Variants in MSTO1 observed in about 807,000 individuals in gnomAD.
MSTO1 encodes protein misato homolog 1.
Under a neutral mutation model 55.7 loss-of-function variants are expected in MSTO1, and 24 were observed. That is an observed-to-expected ratio of 0.43 (90% CI 0.31 to 0.61). MSTO1 has a LOEUF of 0.61. MSTO1 is among the 20% of genes least tolerant of loss of function. The pLI is 0.09. For missense variants in MSTO1, 363 were observed against 625.7 expected, an observed-to-expected ratio of 0.58 and a Z score of 4.48; for synonymous variants, 162 against 252.8, an observed-to-expected ratio of 0.64 and a Z score of 3.41.
At chr1:155,573,840 CAAAA>C in the MSTO1 span, among the ~76,000 whole-genome samples, 4 of 88,868 alleles carry the variant, frequency 4.5e-5, no homozygotes, top group Admixed American at 1.2e-4. Flanking sequence ...CTCCATCTCA[CAAAA>C]AAAAAAAAAA....
chr1:155,609,243 A>ATATATATATATATATATT (rs59756178), upstream of MSTO1, among the ~76,000 whole-genome samples: 4 of 54,576 alleles, frequency 7.3e-5, no homozygotes, highest in East Asian at 1.9e-3. Flanking sequence ...ATATATATAT[A>ATATATATATATATATATT]TTTTTTTTTT....
upstream of MSTO1, among the ~76,000 whole-genome samples, chr1:155,609,239 ATATATT>A (rs1168601951): frequency 4.0e-4 from 11 of 27,252 alleles, no homozygotes; most frequent in Middle Eastern, 0.028. Flanking sequence ...ATATATATAT[ATATATT>A]TTTTTTTTTT....
chr1:155,611,276 C>A lies in MSTO1; in HGVS notation c.351C>A (p.Asp117Glu). The change falls in exon 4 of 14, where the codon GAC becomes GAA. Residue 117 changes from aspartate (D) to glutamate (E), a missense_variant. Transcript: ENST00000245564. ...ELYPKNPYLQ[D>E]FLSAEGVLSS... ...ATCCCAAGAACCCTTATCTCCAAGACTTTCTGAGTGCAGAGGTGAGGGCCT... is the reference window on the plus strand; with the variant it reads ...ATCCCAAGAACCCTTATCTCCAAGAATTTCTGAGTGCAGAGGTGAGGGCCT... The A allele has an allele frequency of 4.3e-6, 7 of 1,613,180 alleles. No homozygotes were observed. Among genetic ancestry groups the A allele is most frequent in the Non-Finnish European group, 5.9e-6 (7 of 1,179,672 alleles).
chr1:155,596,243 C>G, the MSTO1 span, among the ~76,000 whole-genome samples: 1 of 152,170 alleles, frequency 6.6e-6, no homozygotes, highest in East Asian at 1.9e-4. Flanking sequence ...TGTCTTTCAG[C>G]TTTCTCTGTA....
the MSTO1 span, among the ~76,000 whole-genome samples, chr1:155,572,941 C>T: frequency 1.1e-4 from 17 of 151,940 alleles, no homozygotes; most frequent in African/African-American, 1.7e-4. Context: ...TGAGCCACTG[C>T]GCCAGTCAAA....
At chr1:155,593,862 G>A in the MSTO1 span, among the ~76,000 whole-genome samples, 3 of 151,976 alleles carry the variant, frequency 2.0e-5, no homozygotes, top group Middle Eastern at 3.4e-3. Context: ...CCAGCTACTC[G>A]GGAGGCTGAG....
the MSTO1 span, among the ~76,000 whole-genome samples, chr1:155,599,161 A>G: frequency 2.6e-5 from 4 of 152,050 alleles, no homozygotes; most frequent in Non-Finnish European, 4.4e-5. Context: ...CTGGGCGACA[A>G]AACAAGACGC....
the MSTO1 span, among the ~76,000 whole-genome samples, chr1:155,578,344 T>TTC: frequency 1.0e-5 from 1 of 95,678 alleles, no homozygotes; most frequent in Admixed American, 1.2e-4. Flanking sequence ...TTCTTTTTTT[T>TTC]TTTTTTTTTT....
chr1:155,583,812 T>C, the MSTO1 span, among the ~76,000 whole-genome samples: 1 of 152,178 alleles, frequency 6.6e-6, no homozygotes, highest in Non-Finnish European at 1.5e-5. Context: ...CCCAGCCTGC[T>C]TCCTAGTCCA....
At chr1:155,609,931 A>T (rs1022031440), upstream of MSTO1, 1 of 411,278 alleles carries the variant, frequency 2.4e-6, no homozygotes, top group South Asian at 2.8e-5. Flanking sequence ...AGTAGGAAGC[A>T]GAGCCTTCCA....
At chr1:155,605,997 A>G (rs1318193864), upstream of MSTO1, among the ~76,000 whole-genome samples, 2 of 152,170 alleles carry the variant, frequency 1.3e-5, no homozygotes, top group Non-Finnish European at 2.9e-5. Flanking sequence ...CCATTCACAC[A>G]TATGGATGCA....
chr1:155,568,918 C>T, the MSTO1 span, among the ~76,000 whole-genome samples: 916 of 148,302 alleles, frequency 6.2e-3, 10 homozygotes, highest in African/African-American at 0.022. Context: ...GTGGTGCAGT[C>T]TTGGCTCACT....
chr1:155,606,636 G>A (rs1202818554), upstream of MSTO1, among the ~76,000 whole-genome samples: 4 of 151,254 alleles, frequency 2.6e-5, no homozygotes, highest in Admixed American at 6.6e-5. Flanking sequence ...TCAGGTGATC[G>A]CCTGCCTCAG....
intron 11 of MSTO1, 44 bp downstream of exon 11, chr1:155,613,277 T>G: frequency 6.3e-7 from 1 of 1,596,536 alleles, no homozygotes; most frequent in Non-Finnish European, 8.6e-7. Context: ...GATTTTTGTC[T>G]CATATCCATC....
At chr1:155,589,456 A>G in the MSTO1 span, among the ~76,000 whole-genome samples, 33 of 151,962 alleles carry the variant, frequency 2.2e-4, no homozygotes, top group Non-Finnish European at 3.4e-4. Context: ...CTAATAGGAT[A>G]GAAGTATATA....
At chr1:155,601,062 G>A in the MSTO1 span, among the ~76,000 whole-genome samples, 7 of 142,942 alleles carry the variant, frequency 4.9e-5, no homozygotes, top group African/African-American at 7.9e-5. Context: ...TCAGGTGATC[G>A]CCCACCTCGG....
At chr1:155,609,243 A>ATATGTT (rs59756178), upstream of MSTO1, among the ~76,000 whole-genome samples, 1 of 54,590 alleles carries the variant, frequency 1.8e-5, no homozygotes, top group African/African-American at 7.3e-5. Flanking sequence ...ATATATATAT[A>ATATGTT]TTTTTTTTTT....
At chr1:155,606,422 T>C (rs138723679), upstream of MSTO1, among the ~76,000 whole-genome samples, 877 of 150,412 alleles carry the variant, frequency 5.8e-3, 6 homozygotes, top group African/African-American at 0.02. Context: ...TCAGACGGAG[T>C]CTCACTCTGT....
the MSTO1 span, among the ~76,000 whole-genome samples, chr1:155,573,399 C>CA: frequency 2.6e-5 from 4 of 151,888 alleles, no homozygotes; most frequent in African/African-American, 9.7e-5. Context: ...CCTTTCTCTA[C>CA]AAAAAAGATA....
Sources: allele counts gnomAD v4.1 joint callset (sites outside exome capture counted in the v4.1 genomes callset), GRCh38; gene constraint gnomAD v4.1.1; transcripts MANE v1.5; gene names NCBI Gene and HGNC (gene_info 2026-07-23, HGNC 2026-07-21).